Variants in WDR4 observed in about 807,000 individuals in gnomAD.
The protein encoded by WDR4 is tRNA (guanine-N(7)-)-methyltransferase non-catalytic subunit WDR4.
In WDR4, 47 loss-of-function variants were observed where a neutral mutation model predicts 48.6. The ratio of observed to expected loss-of-function variants is 0.97; its 90% CI spans 0.77 to 1.23. WDR4 has a LOEUF of 1.23. Ranked by LOEUF, WDR4 falls within the 50% of genes most tolerant of loss-of-function variation. The probability of loss-of-function intolerance (pLI) is 0.00; values close to 1 mark genes in which losing one functional copy is unlikely to be tolerated. For missense variants in WDR4, 606 were observed against 551.6 expected (o/e 1.10, Z -0.99); for synonymous variants, 268 against 230.0 (o/e 1.17, Z -1.49).
intron 1 of WDR4, among the ~76,000 whole-genome samples, chr21:42,878,164 T>G (rs547585627): frequency 1.4e-4 from 21 of 152,232 alleles, no homozygotes; most frequent in African/African-American, 5.1e-4. Flanking sequence ...TACCTGAAAG[T>G]GTTCCCATGA....
chr21:42,870,196 CA>C (rs1263106224), intron 3 of WDR4, among the ~76,000 whole-genome samples: 1 of 151,402 alleles, frequency 6.6e-6, no homozygotes, highest in Non-Finnish European at 1.5e-5. Flanking sequence ...ACTAAAAAGA[CA>C]AAAATTAACT....
At chr21:42,871,736 C>T (rs540330183) in intron 3 of WDR4, among the ~76,000 whole-genome samples, 2 of 152,320 alleles carry the variant, frequency 1.3e-5, no homozygotes, top group South Asian at 4.1e-4. Context: ...AGAAGGGAGA[C>T]TGACGCATAC....
downstream of WDR4, among the ~76,000 whole-genome samples, chr21:42,845,886 G>C (rs2057707029): frequency 6.6e-6 from 1 of 152,200 alleles, no homozygotes; most frequent in Admixed American, 6.5e-5. Context: ...TAATCCCAGT[G>C]CTTTGGGAAA....
chr21:42,863,719 G>A, intron 3 of WDR4, 123 bp from the exon 4 acceptor site: 3 of 1,167,028 alleles, frequency 2.6e-6, no homozygotes, highest in Non-Finnish European at 3.6e-6. Flanking sequence ...TTTTCCAGCT[G>A]CTGAAGGTGG....
rs1046993067 is a variant in WDR4 at position 42,850,192 on chromosome 21, C to T, written c.1096G>A (p.Asp366Asn). 9.9e-6 allele frequency: 16 copies of T among 1,613,732 alleles called. No individual in the cohort carries two copies. The highest frequency in any genetic ancestry group is 1.1e-5 in the South Asian group (1 of 91,000). The change falls in exon 11 of 11, where the codon GAC becomes AAC. Residue 366 changes from aspartate to asparagine, a missense_variant. Asp to Asn is a conservative substitution (Grantham distance 23). Coordinates refer to ENST00000398208, the MANE Select transcript of WDR4 (RefSeq NM_018669.6). ...TTCTTCAGGTAGGAGGTCACGTTGT[C>T]GAACGTGGCCTTGTAGAGACTGCTG... Reference protein sequence around the residue: ...SFSSLYKATFDNVTSYLKKKE... With the variant: ...SFSSLYKATFNNVTSYLKKKE...
the WDR4 span, among the ~76,000 whole-genome samples, chr21:42,890,427 T>TACG: frequency 6.6e-6 from 1 of 151,906 alleles, no homozygotes; most frequent in African/African-American, 2.4e-5. Context: ...TCCCAGCTAC[T>TACG]CGGGAGGTTG....
rs1371639395 is a variant in WDR4, at chr21:42,850,076, T to C, written c.1212A>G (p.Arg404=). The part of the protein sequence containing the change: ...PGPDGHAKKM[R]PGEATLSC ...AGCAACTTAGCGTCGCCTCCCCCGGTCTCATCTTCTTGGCATGCCCGTCGG... is the reference window on the plus strand; with the variant it reads ...AGCAACTTAGCGTCGCCTCCCCCGGCCTCATCTTCTTGGCATGCCCGTCGG... The change falls in exon 11 of 11, where the codon AGA becomes AGG. Residue 404 remains arginine, a synonymous_variant. Transcript: ENST00000398208. 6.2e-7 allele frequency: 1 copy of C among 1,614,108 alleles called. No individual in the cohort carries two copies. The highest frequency in any genetic ancestry group is 1.7e-5 in the Admixed American group (1 of 59,994).
chr21:42,863,431 C>T lies in WDR4; in HGVS notation c.453+9G>A. ...GCCATGTCCCCCACCTACCACGTCC[C>T]CCACCTACCACATCTAACAGCATAG... On this transcript the variant is annotated intron_variant, in intron 4 of 10. Transcript: ENST00000398208. 6.2e-7 allele frequency: 1 copy of T among 1,606,794 alleles called. No homozygotes were observed. The highest frequency in any genetic ancestry group is 1.1e-5 in the South Asian group (1 of 90,828).
chr21:42,854,988 A>C (rs565982994), intron 7 of WDR4, among the ~76,000 whole-genome samples: 34 of 152,280 alleles, frequency 2.2e-4, no homozygotes, highest in African/African-American at 7.2e-4. Context: ...CTGGCAGAGG[A>C]AATATTAAAA....
the WDR4 span, among the ~76,000 whole-genome samples, chr21:42,884,838 G>A: frequency 3.3e-5 from 5 of 151,914 alleles, no homozygotes; most frequent in East Asian, 3.9e-4. Flanking sequence ...GTGCAATGGT[G>A]CAATCCAGCT....
At chr21:42,883,199 G>A (rs748901050), upstream of WDR4, among the ~76,000 whole-genome samples, 45 of 148,994 alleles carry the variant, frequency 3.0e-4, no homozygotes, top group Non-Finnish European at 4.9e-4. Flanking sequence ...CACTTGAACC[G>A]AGGAGGTGGA....
At chr21:42,879,655 T>G, upstream of WDR4, 2 of 852,388 alleles carry the variant, frequency 2.3e-6, no homozygotes, top group Non-Finnish European at 3.5e-6. Flanking sequence ...TGAAAGGTGC[T>G]GTGACCGCCC....
intron 3 of WDR4, among the ~76,000 whole-genome samples, chr21:42,864,996 A>C (rs900612275): frequency 1.3e-5 from 2 of 152,192 alleles, no homozygotes; most frequent in African/African-American, 4.8e-5. Context: ...CGCCCGGCCC[A>C]CTGCGGCTGG....
intron 7 of WDR4, 86 bp downstream of exon 7, chr21:42,855,596 A>G (rs1403619778): frequency 9.4e-7 from 1 of 1,058,552 alleles, no homozygotes; most frequent in Non-Finnish European, 1.3e-6. Context: ...AACGTTTCCA[A>G]CGGCGAAGTG....
chr21:42,860,713 G>A (rs1395419514), intron 5 of WDR4, among the ~76,000 whole-genome samples: 1 of 152,262 alleles, frequency 6.6e-6, no homozygotes, highest in Non-Finnish European at 1.5e-5. Context: ...GTTCTCAACG[G>A]TTTGAAAGGC....
chr21:42,879,423 T>C lies in WDR4; in HGVS notation c.73A>G (p.Thr25Ala), dbSNP rs140624673. 240 of 1,613,454 alleles carry C rather than the reference T, an allele frequency of 1.5e-4. No homozygotes were observed. Among genetic ancestry groups the C allele is most frequent in the South Asian group, 2.0e-4 (18 of 91,066 alleles). ...CCCCCTCACCTGCTTGCTATGGAGG[T>C]GGCCAGGAATCGGCTGCCGCCCCGC... ...VVRGGSRFLA[T>A]SIASSDDDSL... is the part of the protein sequence containing the mutation. Residue 25 changes from threonine (T) to alanine (A), a missense_variant, in exon 1 of 11, where the codon ACC becomes GCC. Thr to Ala is a moderately conservative substitution (Grantham distance 58). Transcript: ENST00000398208.
chr21:42,845,369 GGAAGAAA>G (rs2057702080), downstream of WDR4, among the ~76,000 whole-genome samples: 1 of 152,102 alleles, frequency 6.6e-6, no homozygotes, highest in East Asian at 1.9e-4. Context: ...ATGGGGTACA[GGAAGAAA>G]CACAGAAAGC....
the WDR4 span, among the ~76,000 whole-genome samples, chr21:42,885,165 G>T: frequency 6.6e-6 from 1 of 152,120 alleles, no homozygotes; most frequent in Non-Finnish European, 1.5e-5. Context: ...ATACCACACA[G>T]ACCTAATCAC....
chr21:42,879,679 TG>T, upstream of WDR4: 1 of 669,064 alleles, frequency 1.5e-6, no homozygotes, highest in Non-Finnish European at 2.4e-6. Flanking sequence ...GGGTTGTGGC[TG>T]GTGGCCTTCG....
Sources: gnomAD v4.1 joint callset for allele counts (sites outside exome capture counted in the v4.1 genomes callset) on GRCh38, gnomAD v4.1.1 for gene constraint, MANE v1.5 for transcripts, NCBI Gene and HGNC (gene_info 2026-07-23, HGNC 2026-07-21) for gene names.